THRB: variants seen among roughly 807,000 people sequenced by gnomAD.
THRB encodes nuclear receptor subfamily 1 group A member 2.
A neutral mutation model predicts 47.8 loss-of-function variants in THRB; 12 were observed. The observed-to-expected ratio is 0.25, with a 90% CI of 0.16 to 0.41. THRB has a LOEUF of 0.41. Ranked by LOEUF, THRB falls within the 10% of genes least tolerant of loss-of-function variation. THRB has a pLI of 1.00. For missense variants in THRB, 348 were observed against 589.2 expected, an observed-to-expected ratio of 0.59 and a Z score of 4.24; for synonymous variants, 218 against 212.2, an observed-to-expected ratio of 1.03 and a Z score of -0.24.
chr3:24,427,586 A>T (rs771918560), intron 1 of THRB, among the ~76,000 whole-genome samples: 2 of 152,078 alleles, frequency 1.3e-5, no homozygotes, highest in Non-Finnish European at 2.9e-5. Context: ...CCTATCATTT[A>T]TGCCATGACT....
intron 8 of THRB, among the ~76,000 whole-genome samples, chr3:24,133,811 G>C (rs963939576): frequency 3.3e-5 from 5 of 152,112 alleles, no homozygotes; most frequent in African/African-American, 1.2e-4. Context: ...AGGGGCTCTG[G>C]GATGGCATTT....
chr3:24,164,103 G>A (rs920931911), intron 5 of THRB, among the ~76,000 whole-genome samples: 1 of 152,148 alleles, frequency 6.6e-6, no homozygotes, highest in African/African-American at 2.4e-5. Flanking sequence ...ACAAAAGCAT[G>A]AGATTCTGGC....
intron 1 of THRB, among the ~76,000 whole-genome samples, chr3:24,361,990 T>C (rs1045883889): frequency 1.3e-5 from 2 of 152,094 alleles, no homozygotes; most frequent in African/African-American, 4.8e-5. Context: ...ATACCACTAG[T>C]AATATTGATG....
chr3:24,460,903 T>G (rs1189323636), intron 1 of THRB, among the ~76,000 whole-genome samples: 1 of 152,186 alleles, frequency 6.6e-6, no homozygotes, highest in African/African-American at 2.4e-5. Context: ...AGCAGAAGAT[T>G]TGCATTTTAG....
At chr3:24,205,600 C>G (rs2045236494) in intron 4 of THRB, among the ~76,000 whole-genome samples, 1 of 152,142 alleles carries the variant, frequency 6.6e-6, no homozygotes, top group South Asian at 2.1e-4. Flanking sequence ...AACTAACGAG[C>G]AAAATAACCA....
intron 1 of THRB, among the ~76,000 whole-genome samples, chr3:24,437,307 C>T (rs1031745632): frequency 6.6e-6 from 1 of 151,856 alleles, no homozygotes; most frequent in East Asian, 1.9e-4. Flanking sequence ...ATTGCATGTT[C>T]TCACTCATAT....
rs185217606 is a variant in THRB, at chr3:24,259,484, C to G, written c.-42-30483G>C. Among the ~76,000 whole-genome samples the G allele has an allele frequency of 7.2e-5, 11 of 152,292 alleles. No individual in the cohort carries two copies. The East Asian group carries it at 2.1e-3, about 29-fold the overall frequency. On this transcript the variant is annotated intron_variant, in intron 3 of 10. Coordinates refer to ENST00000646209, the MANE Select transcript of THRB (RefSeq NM_001354712.2). ...ATGCTGCTTTGACGAGAGAGGAACA[C>G]ACCGCCTTAAGACTCCTGGGAGCAT... is the stretch of plus-strand genomic sequence containing the variant.
At chr3:24,158,787 TTA>T (rs2038302044) in intron 5 of THRB, among the ~76,000 whole-genome samples, 2 of 152,166 alleles carry the variant, frequency 1.3e-5, no homozygotes, top group South Asian at 4.2e-4. Context: ...TATGTAAGCA[TTA>T]TGTGTCTTTG....
intron 1 of THRB, among the ~76,000 whole-genome samples, chr3:24,399,218 A>G (rs573368178): frequency 6.6e-6 from 1 of 152,084 alleles, no homozygotes; most frequent in South Asian, 2.1e-4. Context: ...CCTAGAACAT[A>G]AAGTATAATT....
intron 4 of THRB, among the ~76,000 whole-genome samples, chr3:24,205,859 C>T (rs560136640): frequency 5.9e-4 from 89 of 152,080 alleles, no homozygotes; most frequent in African/African-American, 1.9e-3. Context: ...TCCTAGTCTC[C>T]AATAAAACAG....
chr3:24,288,129 A>G (rs1356526286), intron 3 of THRB, among the ~76,000 whole-genome samples: 1 of 152,226 alleles, frequency 6.6e-6, no homozygotes, highest in Non-Finnish European at 1.5e-5. Flanking sequence ...ATAGAAGGCA[A>G]GTTTTCTACC....
chr3:24,471,825 G>A (rs1222796916), intron 1 of THRB, among the ~76,000 whole-genome samples: 1 of 152,188 alleles, frequency 6.6e-6, no homozygotes, highest in Non-Finnish European at 1.5e-5. Context: ...CACCACGGAA[G>A]ACTTACTTTG....
At chr3:24,249,464 A>C (rs1046236348) in intron 3 of THRB, among the ~76,000 whole-genome samples, 2 of 152,142 alleles carry the variant, frequency 1.3e-5, no homozygotes, top group Non-Finnish European at 2.9e-5. Context: ...AAACTCTTAG[A>C]GCGATATAAC....
At chr3:24,233,380 T>TG (rs1364654745) in intron 3 of THRB, among the ~76,000 whole-genome samples, 2 of 151,414 alleles carry the variant, frequency 1.3e-5, no homozygotes, top group African/African-American at 4.9e-5. Context: ...CTTAGCTACT[T>TG]GGGAGGCCAA....
intron 5 of THRB, among the ~76,000 whole-genome samples, chr3:24,171,938 T>G (rs567530344): frequency 6.6e-6 from 1 of 152,202 alleles, no homozygotes; most frequent in East Asian, 1.9e-4. Flanking sequence ...CCCTAAGTGG[T>G]CCCATAATAC....
intron 1 of THRB, among the ~76,000 whole-genome samples, chr3:24,469,308 G>T (rs551870117): frequency 6.6e-6 from 1 of 152,086 alleles, no homozygotes; most frequent in Non-Finnish European, 1.5e-5. Context: ...AGCTCAATAC[G>T]TTCATGAGTT....
intron 1 of THRB, among the ~76,000 whole-genome samples, chr3:24,467,324 C>T (rs1026012208): frequency 6.6e-6 from 1 of 152,190 alleles, no homozygotes; most frequent in Non-Finnish European, 1.5e-5. Flanking sequence ...TTGTGAGGGT[C>T]AGAATCAACT....
At chr3:24,384,510 G>A (rs4300958) in intron 1 of THRB, among the ~76,000 whole-genome samples, 77,443 of 151,886 alleles carry the variant, frequency 0.51, 20,220 homozygotes, top group African/African-American at 0.62. Context: ...GATAAAATTT[G>A]GTAGGGATTT....
chr3:24,346,466 C>A (rs1316560792), intron 1 of THRB, among the ~76,000 whole-genome samples: 1 of 151,802 alleles, frequency 6.6e-6, no homozygotes. Context: ...TGGATTATAA[C>A]CCAGATATAT....
Sources: gnomAD v4.1 joint callset for allele counts (sites outside exome capture counted in the v4.1 genomes callset) on GRCh38, gnomAD v4.1.1 for gene constraint, MANE v1.5 for transcripts, NCBI Gene and HGNC (gene_info 2026-07-23, HGNC 2026-07-21) for gene names.